Variants in TPTE observed in about 807,000 individuals in gnomAD.
TPTE encodes transmembrane phosphatase with tensin homology, also known as putative tyrosine-protein phosphatase TPTE.
Under a neutral mutation model 84.1 loss-of-function variants are expected in TPTE, and 59 were observed. The ratio of observed to expected loss-of-function variants is 0.70; its 90% CI spans 0.57 to 0.87. The LOEUF (loss-of-function observed/expected upper bound fraction) is 0.87. Among genes scored for constraint, TPTE ranks in the 40% least tolerant of loss-of-function variants. The pLI is 0.00. For synonymous variants in TPTE, 130 were observed against 223.5 expected (o/e 0.58, Z 3.73); for missense variants, 382 against 659.6 (o/e 0.58, Z 4.61).
intron 1 of TPTE, among the ~76,000 whole-genome samples, chr21:10,522,971 A>G (rs1050049817): frequency 6.6e-6 from 1 of 152,310 alleles, no homozygotes; most frequent in Non-Finnish European, 1.5e-5. Context: ...GCTTGAGTCA[A>G]TGAGTTATGC....
At chr21:10,588,996 C>T (rs1469645576) in intron 17 of TPTE, among the ~76,000 whole-genome samples, 1 of 152,310 alleles carries the variant, frequency 6.6e-6, no homozygotes, top group Admixed American at 6.5e-5. Flanking sequence ...ATTGTCATCT[C>T]TGAGTTTTCA....
At chr21:10,591,328 T>G (rs1568765433) in intron 18 of TPTE, among the ~76,000 whole-genome samples, 1 of 152,312 alleles carries the variant, frequency 6.6e-6, no homozygotes, top group Non-Finnish European at 1.5e-5. Flanking sequence ...AGGTGGTGGT[T>G]GTGCACAATG....
intron 6 of TPTE, among the ~76,000 whole-genome samples, chr21:10,542,991 C>T (rs556023452): frequency 5.3e-5 from 8 of 150,506 alleles, no homozygotes; most frequent in East Asian, 2.0e-4. Flanking sequence ...AATTTAGAAT[C>T]GCGTCTCCTA....
intron 17 of TPTE, among the ~76,000 whole-genome samples, chr21:10,580,183 GC>G (rs1290395964): frequency 0.012 from 1,845 of 148,870 alleles, no homozygotes; most frequent in African/African-American, 0.046. Flanking sequence ...CAGGTTCTTT[GC>G]CCATTTTCTA....
At chr21:10,596,250 A>T (rs1373513597) in intron 20 of TPTE, among the ~76,000 whole-genome samples, 163 bp downstream of exon 20, 23 of 152,146 alleles carry the variant, frequency 1.5e-4, no homozygotes, top group Non-Finnish European at 5.9e-5. Flanking sequence ...CTCCTCCTGC[A>T]ATTGCCCATT....
intron 17 of TPTE, among the ~76,000 whole-genome samples, chr21:10,580,468 T>C (rs1409249109): frequency 1.3e-5 from 2 of 152,308 alleles, no homozygotes; most frequent in African/African-American, 2.4e-5. Context: ...TCTTTTCTTC[T>C]AGTAGTTTTC....
At chr21:10,536,610 A>C (rs1568955849) in intron 3 of TPTE, among the ~76,000 whole-genome samples, 1 of 152,312 alleles carries the variant, frequency 6.6e-6, no homozygotes, top group Non-Finnish European at 1.5e-5. Flanking sequence ...GAGAGAGAGA[A>C]TCGACAGAGA....
chr21:10,590,612 T>G (rs1477150638), intron 18 of TPTE, 89 bp downstream of exon 18: 911 of 1,584,854 alleles, frequency 5.7e-4, no homozygotes, highest in African/African-American at 3.1e-3. Flanking sequence ...GATGATTATT[T>G]TAGTCATGGT....
intron 14 of TPTE, among the ~76,000 whole-genome samples, chr21:10,573,957 C>T (rs1402149829): frequency 1.3e-5 from 2 of 152,312 alleles, no homozygotes; most frequent in Non-Finnish European, 2.9e-5. Context: ...ATTACACTAC[C>T]AGTCTGGATT....
chr21:10,522,275 TG>T (rs1309662562), intron 1 of TPTE, among the ~76,000 whole-genome samples: 7 of 150,268 alleles, frequency 4.7e-5, no homozygotes, highest in African/African-American at 1.7e-4. Flanking sequence ...CATCCGCTCT[TG>T]GCCGTCACAC....
Position 10,605,668 on chromosome 21 carries a change from T to C in TPTE, c.*116T>C, listed in dbSNP as rs1162464764. The C allele has an allele frequency of 3.4e-6, 5 of 1,483,576 alleles. No homozygotes were observed. Among genetic ancestry groups the C allele is most frequent in the Non-Finnish European group, 4.5e-6 (5 of 1,110,234 alleles). The allele number at this position is 1,483,576 out of a possible 1,614,324, so 91.9% of individuals were successfully genotyped here. A position where few individuals can be genotyped will look rare whatever the true frequency, so the allele number is the denominator to read the frequency against. ...CTTGAAGTATTTATTTATGTTTATA[T>C]ATGTTTATATATGTTCTTCATAAAT... On this transcript the variant is annotated 3_prime_UTR_variant, in exon 24 of 24. Transcript: ENST00000618007.
chr21:10,542,262 T>C, intron 5 of TPTE, 133 bp from the exon 6 acceptor site: 1 of 1,117,990 alleles, frequency 8.9e-7, no homozygotes, highest in Non-Finnish European at 1.3e-6. Flanking sequence ...ACATTCCAGG[T>C]TCCAGTAGTA....
intron 17 of TPTE, among the ~76,000 whole-genome samples, chr21:10,584,827 A>G (rs1222700781): frequency 1.3e-5 from 2 of 152,306 alleles, no homozygotes; most frequent in Non-Finnish European, 2.9e-5. Flanking sequence ...CCATCAACAT[A>G]CAGTTCCATT....
chr21:10,558,541 A>G (rs1244530249), intron 8 of TPTE, among the ~76,000 whole-genome samples: 1 of 152,308 alleles, frequency 6.6e-6, no homozygotes, highest in Non-Finnish European at 1.5e-5. Flanking sequence ...GGCCACATGC[A>G]TGTCTTCTTT....
chr21:10,536,705 A>G (rs2074273337), intron 3 of TPTE, among the ~76,000 whole-genome samples: 1 of 152,306 alleles, frequency 6.6e-6, no homozygotes, highest in African/African-American at 2.4e-5. Context: ...CCTCCTAACT[A>G]TAGGCCCTGC....
chr21:10,545,996 CATAT>C (rs1257542905), intron 7 of TPTE, among the ~76,000 whole-genome samples: 1 of 152,232 alleles, frequency 6.6e-6, no homozygotes, highest in Non-Finnish European at 1.5e-5. Flanking sequence ...TTTATATATA[CATAT>C]ATGTGTGTGT....
intron 7 of TPTE, among the ~76,000 whole-genome samples, chr21:10,544,695 T>C (rs1407984570): frequency 1.3e-5 from 2 of 152,308 alleles, no homozygotes; most frequent in African/African-American, 2.4e-5. Context: ...AGGCCCTGCA[T>C]TGGGTCTGTA....
rs1302510987 is a variant in TPTE at position 10,525,941 on chromosome 21, G to A, written c.-102+1253G>A. Among the ~76,000 whole-genome samples, 6 of 152,422 alleles carry A rather than the reference G, an allele frequency of 3.9e-5. No homozygotes were observed. In the East Asian group the frequency reaches 9.6e-4, roughly 24 times the overall value. Reference sequence around the variant, plus strand: ...GTCACCTGAATCTGGAGTAATTTGAGTGTCTTCCAGTTCTCTTCCTCAGTA... The same window carrying A: ...GTCACCTGAATCTGGAGTAATTTGAATGTCTTCCAGTTCTCTTCCTCAGTA... On this transcript the variant is annotated intron_variant, in intron 2 of 23. Coordinates refer to ENST00000618007, the MANE Select transcript of TPTE (RefSeq NM_199261.4).
intron 17 of TPTE, among the ~76,000 whole-genome samples, chr21:10,582,275 C>T (rs368437515): frequency 5.0e-3 from 750 of 150,106 alleles, no homozygotes; most frequent in African/African-American, 0.017. Flanking sequence ...CAATTGCGTG[C>T]TGTTTTGTTC....
Sources: gnomAD v4.1 joint callset for allele counts (sites outside exome capture counted in the v4.1 genomes callset) on GRCh38, gnomAD v4.1.1 for gene constraint, MANE v1.5 for transcripts, NCBI Gene and HGNC (gene_info 2026-07-23, HGNC 2026-07-21) for gene names.